The following PAM variants were observed in gnomAD, a reference collection of about 807,000 sequenced individuals.
PAM encodes peptidylglycine alpha-amidating monooxygenase, also known as peptidyl-glycine alpha-amidating monooxygenase.
In PAM, 72 loss-of-function variants were observed where a neutral mutation model predicts 122.1. The observed-to-expected ratio is 0.59, with a 90% CI of 0.49 to 0.72. The LOEUF is 0.72. Ranked by LOEUF, PAM falls within the 30% of genes least tolerant of loss-of-function variation. PAM has a pLI of 0.00. For synonymous variants in PAM, 389 were observed against 404.4 expected, an observed-to-expected ratio of 0.96 and a Z score of 0.46; for missense variants, 1,106 against 1,183.7, an observed-to-expected ratio of 0.93 and a Z score of 0.96.
intron 7 of PAM, among the ~76,000 whole-genome samples, chr5:102,932,357 G>T (rs1678610090): frequency 6.6e-6 from 1 of 151,954 alleles, no homozygotes. Flanking sequence ...CTGTCGTGGT[G>T]TGTGCCTGTA....
intron 1 of PAM, among the ~76,000 whole-genome samples, chr5:102,808,871 G>A (rs1400881425): frequency 1.3e-5 from 2 of 152,154 alleles, no homozygotes; most frequent in East Asian, 3.9e-4. Flanking sequence ...TTCTATTATT[G>A]TGATGAATGC....
At chr5:102,921,333 G>C (rs560056227) in intron 5 of PAM, among the ~76,000 whole-genome samples, 1 of 151,910 alleles carries the variant, frequency 6.6e-6, no homozygotes, top group South Asian at 2.1e-4. Flanking sequence ...TTTTTTTTGG[G>C]AAGCCAAAAT....
rs1270431162 is a variant in PAM, at chr5:103,026,457, TTGCTTTTCA to T, written c.2689+1126_2689+1134del. ...AAGGGAATTTTTATTAGACTTTATTTTGCTTTTCATGTGCCATCAATAAATCTCTATAAA... is the reference window on the plus strand; with the variant it reads ...AAGGGAATTTTTATTAGACTTTATTTTGTGCCATCAATAAATCTCTATAAA... On this transcript the variant is annotated intron_variant, in intron 24 of 25. Transcript: ENST00000438793. Among the ~76,000 whole-genome samples, 9 of 152,322 alleles carry T rather than the reference TTGCTTTTCA, an allele frequency of 5.9e-5. No individual in the cohort carries two copies. The East Asian group carries it at 1.7e-3, about 29-fold the overall frequency.
chr5:102,818,088 C>T (rs1192837909), intron 1 of PAM, among the ~76,000 whole-genome samples: 3 of 150,094 alleles, frequency 2.0e-5, no homozygotes, highest in Non-Finnish European at 4.4e-5. Context: ...CCAACTGCTC[C>T]CAATAACCCC....
chr5:103,008,935 A>G (rs1206416876), intron 20 of PAM, among the ~76,000 whole-genome samples: 1 of 152,284 alleles, frequency 6.6e-6, no homozygotes, highest in East Asian at 1.9e-4. Context: ...ATTTTGCACA[A>G]TAGTAATTGA....
intron 4 of PAM, among the ~76,000 whole-genome samples, chr5:102,904,951 G>A (rs1380064242): frequency 6.6e-6 from 1 of 151,552 alleles, no homozygotes; most frequent in Non-Finnish European, 1.5e-5. Flanking sequence ...TTACATATGA[G>A]CATATAGCAT....
intron 25 of PAM, 137 bp downstream of exon 25, chr5:103,028,375 G>A (rs1785601963): frequency 1.6e-6 from 1 of 631,930 alleles, no homozygotes; most frequent in Admixed American, 2.7e-5. Flanking sequence ...ATCTCCCAGA[G>A]TAAATACAGA....
At chr5:102,988,604 G>A (rs920539759) in intron 15 of PAM, among the ~76,000 whole-genome samples, 15 of 150,692 alleles carry the variant, frequency 1.0e-4, no homozygotes, top group African/African-American at 3.7e-4. Context: ...AAAGGAAAGG[G>A]AAAGGGAGGA....
At chr5:103,015,987 G>A (rs1781867275) in intron 21 of PAM, among the ~76,000 whole-genome samples, 1 of 152,040 alleles carries the variant, frequency 6.6e-6, no homozygotes, top group South Asian at 2.1e-4. Context: ...AAATTTCTAA[G>A]AACATATTAC....
chr5:102,995,999 T>A (rs1212570229), intron 16 of PAM, among the ~76,000 whole-genome samples: 2 of 152,068 alleles, frequency 1.3e-5, no homozygotes, highest in Non-Finnish European at 2.9e-5. Flanking sequence ...TTATATTTCA[T>A]ATCTTCCTTC....
intron 1 of PAM, among the ~76,000 whole-genome samples, chr5:102,864,184 A>T (rs13361194): frequency 0.064 from 8,607 of 133,580 alleles, 316 homozygotes; most frequent in African/African-American, 0.099. Flanking sequence ...ATATATATAT[A>T]TTTTTTTTTT....
At chr5:103,005,907 C>CTTGTTGTTG (rs80026727) in intron 18 of PAM, among the ~76,000 whole-genome samples, 4 of 150,794 alleles carry the variant, frequency 2.7e-5, no homozygotes, top group Non-Finnish European at 4.4e-5. Flanking sequence ...CTGTTCCTAA[C>CTTGTTGTTG]TTGTTGTTGT....
rs1350873574 is a variant in PAM, at chr5:102,803,144, AG to A, written c.-374+47797del. The stretch of plus-strand genomic sequence containing the variant: ...TGTCCAAAAAAAAAGAAAGAAAGAA[AG>A]AAAGGAAGGAAGGAAGGAAGGAAGG... On this transcript the variant is annotated intron_variant, in intron 1 of 25. Transcript: ENST00000438793. 3.1e-4 allele frequency among the ~76,000 whole-genome samples: 38 copies of A among 124,154 alleles called. 1 individual carries two copies. The highest frequency in any genetic ancestry group is 1.2e-3 in the African/African-American group (32 of 26,110). 81.4% of individuals were successfully genotyped at this position (124,154 alleles called of 152,430 possible).
chr5:102,827,136 A>T (rs2150379675), intron 1 of PAM, among the ~76,000 whole-genome samples: 1 of 152,344 alleles, frequency 6.6e-6, no homozygotes, highest in South Asian at 2.1e-4. Context: ...TCCTCTTTCT[A>T]TGAGACAGCT....
chr5:102,988,630 A>G (rs576658924), intron 15 of PAM, among the ~76,000 whole-genome samples: 31 of 142,854 alleles, frequency 2.2e-4, no homozygotes, highest in Non-Finnish European at 4.3e-4. Flanking sequence ...AAGGAAAGGG[A>G]AAAAAAAGAA....
Position 102,871,736 on chromosome 5 carries a change from T to C in PAM, c.210+4343T>C, listed in dbSNP as rs1173090862. Among the ~76,000 whole-genome samples, 4 of 146,510 alleles carry C rather than the reference T, an allele frequency of 2.7e-5. No individual in the cohort carries two copies. The South Asian group carries it at 8.5e-4, about 31-fold the overall frequency. ...ATTATATATAATACATTTATATATA[T>C]TATATATATATATGTATATTTGAAA... On this transcript the variant is annotated intron_variant, in intron 3 of 25. Transcript: ENST00000438793.
At chr5:102,870,174 T>C (rs1271405791) in intron 3 of PAM, among the ~76,000 whole-genome samples, 2 of 151,438 alleles carry the variant, frequency 1.3e-5, no homozygotes, top group African/African-American at 4.9e-5. Context: ...AGAACTTGAG[T>C]TGGGAATTGA....
At chr5:103,025,968 A>C (rs1471815948) in intron 24 of PAM, among the ~76,000 whole-genome samples, 1 of 152,224 alleles carries the variant, frequency 6.6e-6, no homozygotes, top group Non-Finnish European at 1.5e-5. Flanking sequence ...ATAAGAAGTT[A>C]TAAAAAACAC....
intron 16 of PAM, among the ~76,000 whole-genome samples, chr5:102,999,030 A>G (rs1776572549): frequency 6.6e-6 from 1 of 152,226 alleles, no homozygotes; most frequent in South Asian, 2.1e-4. Context: ...CGTCCTTCAC[A>G]TGATGGCAGG....
Sources: allele counts gnomAD v4.1 joint callset (sites outside exome capture counted in the v4.1 genomes callset), GRCh38; gene constraint gnomAD v4.1.1; transcripts MANE v1.5; gene names NCBI Gene and HGNC (gene_info 2026-07-23, HGNC 2026-07-21).